Variants in MORN1 observed in about 807,000 individuals in gnomAD.
MORN1 encodes the protein MORN repeat containing 1, also known as MORN repeat-containing protein 1.
In MORN1, 67 loss-of-function variants were observed where a neutral mutation model predicts 61.9. That is an observed-to-expected ratio of 1.08 (90% CI 0.89 to 1.33). The LOEUF is 1.33. MORN1 is among the 40% of genes most tolerant of loss of function. The pLI, the probability that MORN1 is intolerant of heterozygous loss-of-function variation, is 0.00. For synonymous variants in MORN1, 301 were observed against 292.0 expected (o/e 1.03, Z -0.31); for missense variants, 752 against 691.2 (o/e 1.09, Z -0.99).
Position 2,388,248 on chromosome 1 carries a change from C to A in MORN1, c.238G>T (p.Ala80Ser), listed in dbSNP as rs1267117996. The part of the protein sequence containing the change: ...EITGEGRRHW[A>S]WSGDTFSGQF... ...CCCAGCTAGAGCTCACCTGACCAGG[C>A]CCAGTGCCGGCGGCCTTCTCCCGTG... Residue 80 changes from alanine to serine, a missense_variant, in exon 3 of 14, where the codon GCC becomes TCC. Coordinates refer to ENST00000378531, the MANE Select transcript of MORN1 (RefSeq NM_024848.3). The A allele has an allele frequency of 6.2e-7, 1 of 1,613,422 alleles. No homozygotes were observed.
intron 8 of MORN1, among the ~76,000 whole-genome samples, chr1:2,367,237 C>A (rs565527003): frequency 6.7e-6 from 1 of 149,020 alleles, no homozygotes; most frequent in Non-Finnish European, 1.5e-5. Flanking sequence ...ATATCCTTCA[C>A]GAACAGGGAT....
chr1:2,379,843 A>G (rs913795525), intron 6 of MORN1, among the ~76,000 whole-genome samples: 8 of 152,224 alleles, frequency 5.3e-5, no homozygotes, highest in East Asian at 1.9e-4. Context: ...CGGTTCCTCA[A>G]AAATTAAAAA....
Position 2,321,498 on chromosome 1 carries a change from C to T in MORN1, c.1379G>A (p.Arg460Gln), listed in dbSNP as rs139553355. ...RRLPPAFKHL[R>Q]VVAKRAGQPP... is the part of the protein sequence containing the mutation. Reference sequence around the variant, plus strand: ...CTGGCCAGCCCTCTTCGCTACGACCCGCAGGTGTTTGAAGGCCGGGGGCAG... The same window carrying T: ...CTGGCCAGCCCTCTTCGCTACGACCTGCAGGTGTTTGAAGGCCGGGGGCAG... The change falls in exon 14 of 14, where the codon CGG becomes CAG. Residue 460 changes from arginine (R) to glutamine (Q), a missense_variant. Physicochemically the swap from Arg to Gln is conservative, Grantham distance 43. Transcript: ENST00000378531. 613 of 1,528,652 alleles carry T rather than the reference C, an allele frequency of 4.0e-4. No individual in the cohort carries two copies. The highest frequency in any genetic ancestry group is 5.1e-4 in the Non-Finnish European group (578 of 1,138,082). 94.7% of individuals were successfully genotyped at this position (1,528,652 alleles called of 1,614,324 possible). A position where few individuals can be genotyped will look rare whatever the true frequency, so the allele number is the denominator to read the frequency against.
At chr1:2,322,956 G>A (rs375674199) in intron 13 of MORN1, 1 of 985,448 alleles carries the variant, frequency 1.0e-6, no homozygotes, top group Non-Finnish European at 1.2e-6. Context: ...CTCACTTAGG[G>A]CCTCGGCCAT....
chr1:2,387,080 G>A (rs1225326547), intron 4 of MORN1: 2 of 345,372 alleles, frequency 5.8e-6, no homozygotes, highest in Admixed American at 7.7e-5. Flanking sequence ...CAGACCAGAA[G>A]CCCCTCCCTG....
chr1:2,390,858 C>T (rs1310205758), intron 1 of MORN1: 1 of 548,462 alleles, frequency 1.8e-6, no homozygotes, highest in Non-Finnish European at 2.3e-6. Context: ...AAGCGATTCT[C>T]CTGCCTCAGC....
chr1:2,379,818 TGGA>T (rs1306346493), intron 6 of MORN1, among the ~76,000 whole-genome samples: 1 of 152,230 alleles, frequency 6.6e-6, no homozygotes, highest in East Asian at 1.9e-4. Flanking sequence ...GAGGCCGCTG[TGGA>T]GAACAGCATG....
rs925327766 is a variant in MORN1 at position 2,337,382 on chromosome 1, C to T, written c.1037-532G>A. Reference sequence around the variant, plus strand: ...GGCTGCGAGTCCCTCCACGTGGCGGCAGACCCCAGGTCCTCGGGCATCAGA... The same window carrying T: ...GGCTGCGAGTCCCTCCACGTGGCGGTAGACCCCAGGTCCTCGGGCATCAGA... On this transcript the variant is annotated intron_variant, in intron 10 of 13. Coordinates refer to ENST00000378531, the MANE Select transcript of MORN1 (RefSeq NM_024848.3). This position sits in a 1 kb window ranked among gnomAD's most constrained non-coding sequence, Gnocchi z 5.7. 6.6e-6 allele frequency among the ~76,000 whole-genome samples: 1 copy of T among 152,218 alleles called. No individual in the cohort carries two copies. The highest frequency in any genetic ancestry group is 6.5e-5 in the Admixed American group (1 of 15,276).
At chr1:2,344,329 C>T (rs1361816934) in intron 10 of MORN1, among the ~76,000 whole-genome samples, 2 of 152,256 alleles carry the variant, frequency 1.3e-5, no homozygotes, top group Non-Finnish European at 2.9e-5. Flanking sequence ...AGCTGCTCCC[C>T]AGAAGCTCCG....
chr1:2,391,388 C>T, intron 1 of MORN1, 70 bp downstream of exon 1: 1 of 1,245,490 alleles, frequency 8.0e-7, no homozygotes, highest in Non-Finnish European at 1.0e-6. Context: ...GGGTCGAGGG[C>T]GTAGAGCGAT....
At chr1:2,339,772 C>T (rs545917919) in intron 10 of MORN1, among the ~76,000 whole-genome samples, 10 of 152,278 alleles carry the variant, frequency 6.6e-5, no homozygotes, top group South Asian at 4.1e-4. Flanking sequence ...CCTCCCTTGC[C>T]GAGGGCCCGG....
intron 6 of MORN1, among the ~76,000 whole-genome samples, chr1:2,379,494 C>G (rs944372620): frequency 6.6e-5 from 10 of 152,142 alleles, no homozygotes; most frequent in African/African-American, 2.4e-4. Flanking sequence ...AGGCCAAACT[C>G]CTGTGCACAA....
chr1:2,346,596 G>A (rs938491764), intron 10 of MORN1, among the ~76,000 whole-genome samples: 2 of 152,160 alleles, frequency 1.3e-5, no homozygotes, highest in East Asian at 3.9e-4. Flanking sequence ...ATGTTGCCCA[G>A]GCTGGTCTTG....
Position 2,334,919 on chromosome 1 carries a change from C to T in MORN1, c.1250+1550G>A, listed in dbSNP as rs115958267. On this transcript the variant is annotated intron_variant, in intron 12 of 13. Coordinates refer to ENST00000378531, the MANE Select transcript of MORN1 (RefSeq NM_024848.3). The surrounding 1 kb of genome is among the most constrained non-coding windows in gnomAD (Gnocchi z 5.4). ...AGCGAAGTGGAGGTGCCGCCCTGGG[C>T]GTTCGGGTCTGTGTGAGTCTGTGGG... Among the ~76,000 whole-genome samples the T allele has an allele frequency of 5.9e-5, 9 of 152,306 alleles. No individual in the cohort carries two copies. The highest frequency in any genetic ancestry group is 1.2e-4 in the African/African-American group (5 of 41,574).
chr1:2,323,574 A>T, intron 13 of MORN1: 1 of 985,172 alleles, frequency 1.0e-6, no homozygotes, highest in Non-Finnish European at 1.2e-6. Context: ...CTGTGGGGCG[A>T]CTGGAGGAGG....
chr1:2,332,874 G>T (rs891638919), intron 12 of MORN1: 12 of 377,258 alleles, frequency 3.2e-5, no homozygotes, highest in Non-Finnish European at 6.3e-5. Flanking sequence ...GCCTCGAGGG[G>T]CCAAGCTCTG....
intron 12 of MORN1, chr1:2,332,203 G>A (rs912819259): frequency 1.0e-5 from 2 of 197,916 alleles, no homozygotes; most frequent in Non-Finnish European, 2.1e-5. Flanking sequence ...CAGCGGGGCT[G>A]CCTGTCCTCC....
At chr1:2,336,273 A>C (rs1258959209) in intron 12 of MORN1, among the ~76,000 whole-genome samples, 196 bp downstream of exon 12, 3 of 152,322 alleles carry the variant, frequency 2.0e-5, no homozygotes. Context: ...CAGCCCAGGC[A>C]AGTCGCAGGG....
rs377382047 is a variant in MORN1, at chr1:2,337,015, C to T, written c.1037-165G>A. On this transcript the variant is annotated intron_variant, in intron 10 of 13. Coordinates refer to ENST00000378531, the MANE Select transcript of MORN1 (RefSeq NM_024848.3). The surrounding 1 kb of genome is among the most constrained non-coding windows in gnomAD (Gnocchi z 5.7). ...AGGTCAGGGGGCAGGGACTGTCCAT[C>T]CTGGGTGCTCCCTCCGGCCGCCGAC... is the stretch of plus-strand genomic sequence containing the variant. 1.3e-4 allele frequency among the ~76,000 whole-genome samples: 20 copies of T among 152,196 alleles called. No individual in the cohort carries two copies. In the South Asian group the frequency reaches 4.1e-3, roughly 32 times the overall value.
Sources: gnomAD v4.1 joint callset for allele counts (sites outside exome capture counted in the v4.1 genomes callset) on GRCh38, gnomAD v4.1.1 for gene constraint, Gnocchi (gnomAD v3.1) non-coding constraint, MANE v1.5 for transcripts, NCBI Gene and HGNC (gene_info 2026-07-23, HGNC 2026-07-21) for gene names.